RAD51B: variants seen among roughly 807,000 people sequenced by gnomAD.
RAD51B encodes the protein RAD51 paralog B, also known as DNA repair protein RAD51 homolog 2.
RAD51B carries 38 observed loss-of-function variants against 42.2 expected under a neutral mutation model. The ratio of observed to expected loss-of-function variants is 0.90; its 90% CI spans 0.70 to 1.18. The LOEUF is 1.18. RAD51B is among the 50% of genes most tolerant of loss of function. The pLI is 0.00. For missense variants in RAD51B, 373 were observed against 400.7 expected (o/e 0.93, Z 0.59); for synonymous variants, 154 against 145.2 (o/e 1.06, Z -0.43).
At chr14:68,386,369 A>G (rs1475573330) in intron 8 of RAD51B, among the ~76,000 whole-genome samples, 1 of 152,254 alleles carries the variant, frequency 6.6e-6, no homozygotes, top group African/African-American at 2.4e-5. Context: ...TGAATGATCT[A>G]TGCAGAATAT....
chr14:68,243,094 T>C (rs146294276), intron 7 of RAD51B, among the ~76,000 whole-genome samples: 325 of 152,322 alleles, frequency 2.1e-3, no homozygotes, highest in African/African-American at 7.5e-3. Context: ...ATTACTGTTA[T>C]TAAGATGTGC....
intron 10 of RAD51B, among the ~76,000 whole-genome samples, chr14:68,508,145 C>T (rs192297881): frequency 6.3e-4 from 96 of 152,276 alleles, no homozygotes; most frequent in Admixed American, 9.8e-4. Context: ...ATTTCCCAGG[C>T]TCTGTTCTGG....
intron 10 of RAD51B, among the ~76,000 whole-genome samples, chr14:68,496,550 C>T (rs536820855): frequency 1.1e-4 from 16 of 152,374 alleles, no homozygotes; most frequent in African/African-American, 3.1e-4. Context: ...TCTGTCTGAG[C>T]ACTTGCCGTA....
At chr14:67,918,808 C>T (rs991323702) in intron 7 of RAD51B, among the ~76,000 whole-genome samples, 16 of 152,280 alleles carry the variant, frequency 1.1e-4, no homozygotes, top group African/African-American at 3.6e-4. Flanking sequence ...ACATAGATTT[C>T]TAATTCCAAC....
intron 4 of RAD51B, among the ~76,000 whole-genome samples, chr14:67,839,145 C>T (rs2041344102): frequency 1.3e-5 from 2 of 151,906 alleles, no homozygotes; most frequent in African/African-American, 4.8e-5. Flanking sequence ...TGTAATTTTC[C>T]TTTTAGTAGT....
chr14:67,880,717 C>T (rs2042878561), intron 5 of RAD51B, among the ~76,000 whole-genome samples: 1 of 151,870 alleles, frequency 6.6e-6, no homozygotes, highest in Admixed American at 6.6e-5. Flanking sequence ...TCTTCCTTTA[C>T]TTGTCTGGTA....
At chr14:67,954,165 C>G (rs1003343638) in intron 7 of RAD51B, among the ~76,000 whole-genome samples, 1 of 152,112 alleles carries the variant, frequency 6.6e-6, no homozygotes, top group Non-Finnish European at 1.5e-5. Flanking sequence ...ATTGTTCTTT[C>G]TATTGAATCA....
chr14:68,373,056 C>T (rs1366970864), intron 8 of RAD51B, among the ~76,000 whole-genome samples: 1 of 152,202 alleles, frequency 6.6e-6, no homozygotes, highest in East Asian at 1.9e-4. Flanking sequence ...GCCAGCCTGC[C>T]TCTGGGAGAG....
At chr14:67,952,167 A>G (rs1422456258) in intron 7 of RAD51B, among the ~76,000 whole-genome samples, 1 of 151,934 alleles carries the variant, frequency 6.6e-6, no homozygotes, top group African/African-American at 2.4e-5. Flanking sequence ...CAGGTAACCA[A>G]TTGTTACACA....
chr14:68,252,304 C>T lies in RAD51B; in HGVS notation c.757-39580C>T, dbSNP rs768111134. On this transcript the variant is annotated intron_variant, in intron 7 of 10. Transcript: ENST00000471583. Reference sequence around the variant, plus strand: ...GGGTCTTCCCTATTATTTATCCCAACCTCTTCAGAAATTATATGAATGGAA... The same window carrying T: ...GGGTCTTCCCTATTATTTATCCCAATCTCTTCAGAAATTATATGAATGGAA... Among the ~76,000 whole-genome samples, 8 of 152,264 alleles carry T rather than the reference C, an allele frequency of 5.3e-5. No homozygotes were observed. In the South Asian group the frequency reaches 1.7e-3, roughly 32 times the overall value.
chr14:68,177,603 C>T (rs961407395), intron 7 of RAD51B, among the ~76,000 whole-genome samples: 6 of 150,858 alleles, frequency 4.0e-5, no homozygotes, highest in South Asian at 4.2e-4. Flanking sequence ...TTGGTGAGGG[C>T]GATGGAGGGG....
intron 10 of RAD51B, among the ~76,000 whole-genome samples, chr14:68,643,253 T>G (rs1892499814): frequency 6.6e-6 from 1 of 152,248 alleles, no homozygotes; most frequent in Non-Finnish European, 1.5e-5. Context: ...TAAATCATTA[T>G]GGGATGCCCC....
chr14:68,291,509 C>G (rs2081516603), intron 7 of RAD51B, among the ~76,000 whole-genome samples: 1 of 152,164 alleles, frequency 6.6e-6, no homozygotes, highest in Non-Finnish European at 1.5e-5. Flanking sequence ...GTGGATATAA[C>G]TTTAAAAATT....
chr14:67,884,005 C>CAA (rs973356261), intron 5 of RAD51B, among the ~76,000 whole-genome samples: 5 of 151,892 alleles, frequency 3.3e-5, no homozygotes, highest in African/African-American at 1.2e-4. Flanking sequence ...TTGCCCTAAA[C>CAA]AAAAAAGATC....
chr14:67,926,107 C>T (rs556754284), intron 7 of RAD51B, among the ~76,000 whole-genome samples: 10 of 152,258 alleles, frequency 6.6e-5, no homozygotes, highest in Non-Finnish European at 1.3e-4. Context: ...AACATTTGGC[C>T]CCTTATTACT....
At chr14:67,861,576 T>TA (rs34392333) in intron 4 of RAD51B, among the ~76,000 whole-genome samples, 48,102 of 138,628 alleles carry the variant, frequency 0.35, 8,413 homozygotes, top group Middle Eastern at 0.45. Flanking sequence ...AACCTGTCTT[T>TA]AAAAAAAAAA....
intron 9 of RAD51B, among the ~76,000 whole-genome samples, chr14:68,424,531 A>G (rs540293055): frequency 1.3e-5 from 2 of 152,178 alleles, no homozygotes; most frequent in Admixed American, 1.3e-4. Context: ...CTCTCCAGAT[A>G]TACTGTTCCA....
chr14:68,036,475 AG>A (rs1320567347), intron 7 of RAD51B, among the ~76,000 whole-genome samples: 1 of 152,254 alleles, frequency 6.6e-6, no homozygotes, highest in Admixed American at 6.5e-5. Flanking sequence ...GACTGGAGAA[AG>A]CAGAAAGAAC....
At chr14:67,822,736 T>C (rs1191540598) in intron 1 of RAD51B, among the ~76,000 whole-genome samples, 1 of 151,866 alleles carries the variant, frequency 6.6e-6, no homozygotes, top group African/African-American at 2.4e-5. Flanking sequence ...TCTCTCTCTC[T>C]CTCTATATAT....
Sources: allele counts gnomAD v4.1 joint callset (sites outside exome capture counted in the v4.1 genomes callset), GRCh38; gene constraint gnomAD v4.1.1; transcripts MANE v1.5; gene names NCBI Gene and HGNC (gene_info 2026-07-23, HGNC 2026-07-21).